The following FRMD4B variants were observed in gnomAD, a reference collection of about 807,000 sequenced individuals.
FRMD4B encodes the protein FERM domain-containing protein 4B.
FRMD4B carries 74 observed loss-of-function variants against 141.5 expected under a neutral mutation model. The ratio of observed to expected loss-of-function variants is 0.52; its 90% confidence interval spans 0.43 to 0.63. The LOEUF (loss-of-function observed/expected upper bound fraction) is 0.63. FRMD4B is among the 30% of genes least tolerant of loss of function. The pLI, the probability that FRMD4B is intolerant of heterozygous loss-of-function variation, is 0.00. For synonymous variants in FRMD4B, 506 were observed against 467.9 expected (o/e 1.08, Z -1.05); for missense variants, 1,366 against 1,253.4 (o/e 1.09, Z -1.36).
At chr3:69,353,286 C>G (rs184700304) in intron 1 of FRMD4B, among the ~76,000 whole-genome samples, 2 of 152,268 alleles carry the variant, frequency 1.3e-5, no homozygotes, top group African/African-American at 4.8e-5. Context: ...TCTTTAAGGA[C>G]CATCTTCACT....
chr3:69,189,106 C>G (rs1336695046), intron 18 of FRMD4B, among the ~76,000 whole-genome samples: 1 of 151,530 alleles, frequency 6.6e-6, no homozygotes, highest in South Asian at 2.1e-4. Context: ...CCTGTAATCC[C>G]AGCTACTCGG....
At chr3:69,472,420 C>A in intron 1 of FRMD4B, 1 of 469,586 alleles carries the variant, frequency 2.1e-6, no homozygotes, top group South Asian at 1.7e-5. Flanking sequence ...ACTAATATGG[C>A]CAATAATTAA....
At chr3:69,329,088 A>T (rs1007496716) in intron 1 of FRMD4B, among the ~76,000 whole-genome samples, 32 of 152,130 alleles carry the variant, frequency 2.1e-4, no homozygotes, top group African/African-American at 7.5e-4. Flanking sequence ...GCTGAGAAAC[A>T]TTTACCAGCA....
intron 1 of FRMD4B, among the ~76,000 whole-genome samples, chr3:69,366,257 C>A (rs2107478177): frequency 7.2e-6 from 1 of 139,010 alleles, no homozygotes; most frequent in South Asian, 2.3e-4. Context: ...AAGGCTCTGT[C>A]TCAAAAAACA....
At chr3:69,252,204 G>A (rs1470992814) in intron 5 of FRMD4B, among the ~76,000 whole-genome samples, 1 of 152,160 alleles carries the variant, frequency 6.6e-6, no homozygotes, top group East Asian at 1.9e-4. Context: ...GATATTCTTA[G>A]GGAAGCAGCT....
chr3:69,274,460 T>C (rs1188120739), intron 5 of FRMD4B, among the ~76,000 whole-genome samples: 1 of 152,168 alleles, frequency 6.6e-6, no homozygotes, highest in Non-Finnish European at 1.5e-5. Context: ...GTCTTGTTGA[T>C]TTCACATTCT....
intron 2 of FRMD4B, among the ~76,000 whole-genome samples, chr3:69,422,317 C>T (rs758933648): frequency 6.7e-6 from 1 of 149,558 alleles, no homozygotes; most frequent in Non-Finnish European, 1.5e-5. Context: ...TGCTTGAACC[C>T]GGGAGGTTGT....
chr3:69,293,114 C>A, intron 4 of FRMD4B: 2 of 394,326 alleles, frequency 5.1e-6, no homozygotes, highest in Non-Finnish European at 1.0e-5. Context: ...GAACATTACA[C>A]CACTGTGACA....
intron 1 of FRMD4B, among the ~76,000 whole-genome samples, chr3:69,375,484 G>GAA (rs11389808): frequency 0.53 from 80,558 of 151,978 alleles, 24,546 homozygotes; most frequent in East Asian, 0.68. Flanking sequence ...TTTTACAGCA[G>GAA]AAAAAAATAG....
chr3:69,185,019 T>C (rs1300593160), intron 19 of FRMD4B, among the ~76,000 whole-genome samples: 1 of 152,112 alleles, frequency 6.6e-6, no homozygotes, highest in East Asian at 1.9e-4. Context: ...AATATAACAA[T>C]GTGACCTGGC....
Position 69,381,786 on chromosome 3 carries a change from C to G in FRMD4B, c.162+4042G>C, listed in dbSNP as rs777664203. Among the ~76,000 whole-genome samples, 4 of 152,202 alleles carry G rather than the reference C, an allele frequency of 2.6e-5. No homozygotes were observed. In the East Asian group the frequency reaches 7.7e-4, roughly 29 times the overall value. ...ATAGCTAATATTTTTATGTAAAGAGCACTAGATTTGATATTCTAATGATGC... is the reference window on the plus strand; with the variant it reads ...ATAGCTAATATTTTTATGTAAAGAGGACTAGATTTGATATTCTAATGATGC... On this transcript the variant is annotated intron_variant, in intron 1 of 22. Transcript: ENST00000398540.
At chr3:69,496,159 A>G (rs562283430) in intron 1 of FRMD4B, among the ~76,000 whole-genome samples, 1 of 152,238 alleles carries the variant, frequency 6.6e-6, no homozygotes, top group Non-Finnish European at 1.5e-5. Flanking sequence ...GAGTAGAAAA[A>G]TGGTTACAGA....
chr3:69,216,429 C>CTTTTTT (rs397990009), intron 10 of FRMD4B, 80 bp from the exon 11 acceptor site: 16 of 382,132 alleles, frequency 4.2e-5, no homozygotes, highest in East Asian at 5.4e-5. Context: ...AATTTCACCT[C>CTTTTTT]TTTTTTTTTT....
intron 1 of FRMD4B, among the ~76,000 whole-genome samples, chr3:69,493,531 C>G (rs1337710399): frequency 6.6e-6 from 1 of 152,162 alleles, no homozygotes. Flanking sequence ...AGGTTAGGTA[C>G]AAAGTAAGGA....
At chr3:69,224,342 C>T (rs1023973746) in intron 8 of FRMD4B, among the ~76,000 whole-genome samples, 7 of 152,202 alleles carry the variant, frequency 4.6e-5, no homozygotes, top group African/African-American at 1.7e-4. Flanking sequence ...GGAGCATACT[C>T]TACAGACATT....
At chr3:69,473,166 G>A (rs929311458) in intron 1 of FRMD4B, among the ~76,000 whole-genome samples, 2 of 151,996 alleles carry the variant, frequency 1.3e-5, no homozygotes. Context: ...TATCTGACAA[G>A]GATGGCAGAA....
intron 21 of FRMD4B, among the ~76,000 whole-genome samples, chr3:69,177,914 T>G (rs2092665654): frequency 6.6e-6 from 1 of 152,002 alleles, no homozygotes; most frequent in Admixed American, 6.5e-5. Context: ...AAAGTGTGTA[T>G]GTGTTGGGGT....
intron 1 of FRMD4B, among the ~76,000 whole-genome samples, chr3:69,473,061 C>A (rs1011444886): frequency 6.7e-6 from 1 of 150,088 alleles, no homozygotes; most frequent in Non-Finnish European, 1.5e-5. Flanking sequence ...GCTCATTAAT[C>A]CCACTCCTTA....
chr3:69,208,442 C>T (rs905846359), intron 11 of FRMD4B, among the ~76,000 whole-genome samples: 6 of 152,062 alleles, frequency 3.9e-5, no homozygotes, highest in South Asian at 2.1e-4. Context: ...TCAAGTGATC[C>T]GCCTACGTCG....
Sources: allele counts gnomAD v4.1 joint callset (sites outside exome capture counted in the v4.1 genomes callset), GRCh38; gene constraint gnomAD v4.1.1; transcripts MANE v1.5; gene names NCBI Gene and HGNC (gene_info 2026-07-23, HGNC 2026-07-21).